DLG1: variants seen among roughly 807,000 people sequenced by gnomAD.
DLG1 encodes disks large homolog 1.
Under a neutral mutation model 123.4 loss-of-function variants are expected in DLG1, and 42 were observed. The ratio of observed to expected loss-of-function variants is 0.34; its 90% CI spans 0.27 to 0.44. DLG1 has a LOEUF of 0.44. DLG1 is among the 20% of genes least tolerant of loss of function. The pLI is 1.00. For missense variants in DLG1, 942 were observed against 1,082.6 expected, an observed-to-expected ratio of 0.87 and a Z score of 1.82; for synonymous variants, 317 against 356.2, an observed-to-expected ratio of 0.89 and a Z score of 1.24.
At chr3:197,048,546 A>G (rs1725002720) in intron 24 of DLG1, among the ~76,000 whole-genome samples, 1 of 152,220 alleles carries the variant, frequency 6.6e-6, no homozygotes, top group South Asian at 2.1e-4. Flanking sequence ...ATAAGAGATA[A>G]CAAGTAGGCA....
chr3:197,113,176 C>T (rs1228584887), intron 13 of DLG1, among the ~76,000 whole-genome samples: 1 of 151,866 alleles, frequency 6.6e-6, no homozygotes, highest in Non-Finnish European at 1.5e-5. Context: ...ACTTGGTGGC[C>T]CTCTGGTACT....
At chr3:197,297,933 G>A (rs998164062) in intron 1 of DLG1, 3 of 983,248 alleles carry the variant, frequency 3.1e-6, no homozygotes, top group African/African-American at 3.5e-5. Flanking sequence ...AGGGGGCGAA[G>A]GGACGGGGGA....
At chr3:197,237,430 T>C (rs1746555738) in intron 4 of DLG1, among the ~76,000 whole-genome samples, 1 of 152,244 alleles carries the variant, frequency 6.6e-6, no homozygotes, top group Non-Finnish European at 1.5e-5. Context: ...TTTTAGGCTT[T>C]TGTTGCCACA....
rs768926450 is a variant in DLG1 at position 197,076,629 on chromosome 3, G to A, written c.1962C>T (p.Tyr654=). The stretch of plus-strand genomic sequence containing the variant: ...CCTGCTCACTCTGGTCCTTGTTCTT[G>A]TAGAAGGGGAATTTTCGGGAAAAGA... The part of the protein sequence containing the change: ...KNLFSRKFPF[Y]KNKDQSEQET... Residue 654 remains tyrosine, a synonymous_variant, in exon 18 of 25, where the codon TAC becomes TAT. Transcript: ENST00000667157. 6.2e-7 allele frequency: 1 copy of A among 1,613,006 alleles called. No individual in the cohort carries two copies. Among genetic ancestry groups the A allele is most frequent in the Non-Finnish European group, 8.5e-7 (1 of 1,179,278 alleles).
chr3:197,153,201 G>A (rs1196620327), intron 5 of DLG1, among the ~76,000 whole-genome samples: 1 of 152,200 alleles, frequency 6.6e-6, no homozygotes, highest in Admixed American at 6.5e-5. Context: ...TGACTGAGGT[G>A]ATCACTGCAG....
chr3:197,198,307 G>C (rs1723676090), intron 4 of DLG1, among the ~76,000 whole-genome samples: 1 of 151,978 alleles, frequency 6.6e-6, no homozygotes, highest in Non-Finnish European at 1.5e-5. Context: ...TACTAATATA[G>C]TCAAACCCCG....
chr3:197,251,654 A>T (rs1299778638), intron 4 of DLG1, among the ~76,000 whole-genome samples: 1 of 152,202 alleles, frequency 6.6e-6, no homozygotes, highest in Non-Finnish European at 1.5e-5. Flanking sequence ...CCAAAGCTAA[A>T]AAAGACAAAT....
At chr3:197,225,369 G>C (rs899122105) in intron 4 of DLG1, among the ~76,000 whole-genome samples, 3 of 152,180 alleles carry the variant, frequency 2.0e-5, no homozygotes, top group African/African-American at 7.2e-5. Flanking sequence ...TATAGGAAAT[G>C]AGTAGTAAAG....
chr3:197,066,663 T>C, intron 20 of DLG1, 41 bp downstream of exon 20: 1 of 1,461,002 alleles, frequency 6.8e-7, no homozygotes. Flanking sequence ...AAAAAGTATA[T>C]TCTTCTAGAA....
intron 3 of DLG1, among the ~76,000 whole-genome samples, chr3:197,285,555 T>TA (rs977203464): frequency 4.6e-5 from 7 of 152,026 alleles, no homozygotes; most frequent in Non-Finnish European, 1.5e-5. Flanking sequence ...AAAAATTCTT[T>TA]AAGACTCAAC....
At chr3:197,086,675 T>G (rs1385498204) in intron 15 of DLG1, among the ~76,000 whole-genome samples, 1 of 152,168 alleles carries the variant, frequency 6.6e-6, no homozygotes, top group Non-Finnish European at 1.5e-5. Flanking sequence ...TCAAATGAGT[T>G]CTTTCAAGTC....
chr3:197,192,108 G>C (rs758560045), intron 5 of DLG1, among the ~76,000 whole-genome samples: 4 of 151,914 alleles, frequency 2.6e-5, no homozygotes, highest in Non-Finnish European at 5.9e-5. Flanking sequence ...TAGGAGTTTG[G>C]GGCTGCAGTA....
At position 197,065,792 on chromosome 3, in the gene DLG1, C is replaced by A. The variant is rs148283553; in HGVS notation, c.2116G>T (p.Val706Leu). 1.2e-3 allele frequency: 1,918 copies of A among 1,595,640 alleles called. 4 individuals carry two copies. Among genetic ancestry groups the A allele is most frequent in the Middle Eastern group, 2.2e-3 (13 of 6,024 alleles). ...NQQEVNYTRP[V>L]IILGPMKDRI... is the part of the protein sequence containing the mutation. ...TCTTTCATAGGTCCCAATATGATCA[C>A]TGGTCGAGTATAATTAACTATAAAG... Residue 706 changes from valine to leucine, a missense_variant, in exon 21 of 25, where the codon GTG becomes TTG. Val to Leu is a conservative substitution (Grantham distance 32). Transcript: ENST00000667157.
intron 14 of DLG1, among the ~76,000 whole-genome samples, chr3:197,104,198 T>C (rs1046765412): frequency 3.3e-5 from 5 of 152,192 alleles, no homozygotes; most frequent in Non-Finnish European, 7.4e-5. Flanking sequence ...GGTGACCTAA[T>C]TTTTTTGGGC....
intron 19 of DLG1, 128 bp downstream of exon 19, chr3:197,069,091 T>G: frequency 2.0e-6 from 1 of 511,858 alleles, no homozygotes; most frequent in East Asian, 3.4e-5. Context: ...TTTACTTGTC[T>G]CTCCCTGATT....
At chr3:197,056,254 C>G (rs1454531746) in intron 23 of DLG1, among the ~76,000 whole-genome samples, 1 of 152,180 alleles carries the variant, frequency 6.6e-6, no homozygotes, top group Non-Finnish European at 1.5e-5. Context: ...CATCTTCCCT[C>G]TAGCTCCATA....
intron 10 of DLG1, among the ~76,000 whole-genome samples, chr3:197,131,050 A>G (rs9826993): frequency 1.2e-4 from 19 of 152,332 alleles, no homozygotes; most frequent in African/African-American, 3.4e-4. Context: ...TACCTTAGAG[A>G]CTGTTCCATG....
chr3:197,071,206 T>TA (rs1323308886), intron 18 of DLG1, among the ~76,000 whole-genome samples: 2 of 152,016 alleles, frequency 1.3e-5, no homozygotes, highest in African/African-American at 4.8e-5. Context: ...AAAGAAAAAT[T>TA]AGTTATTGCA....
intron 5 of DLG1, among the ~76,000 whole-genome samples, chr3:197,189,465 ATT>A (rs1561348686): frequency 6.6e-6 from 1 of 152,166 alleles, no homozygotes; most frequent in Non-Finnish European, 1.5e-5. Flanking sequence ...AATACACACA[ATT>A]TTTTTCTGCT....
Sources: allele counts gnomAD v4.1 joint callset (sites outside exome capture counted in the v4.1 genomes callset), GRCh38; gene constraint gnomAD v4.1.1; transcripts MANE v1.5; gene names NCBI Gene and HGNC (gene_info 2026-07-23, HGNC 2026-07-21).